CPNE9: variants seen among roughly 807,000 people sequenced by gnomAD.
CPNE9 encodes copine family member 9.
Under a neutral mutation model 83.0 loss-of-function variants are expected in CPNE9, and 59 were observed. That is an observed-to-expected ratio of 0.71 (90% CI 0.58 to 0.88). CPNE9 has a LOEUF of 0.88. Ranked by LOEUF, CPNE9 falls within the 40% of genes least tolerant of loss-of-function variation. The pLI is 0.00. For synonymous variants in CPNE9, 256 were observed against 273.4 expected (o/e 0.94, Z 0.63); for missense variants, 619 against 720.8 (o/e 0.86, Z 1.62).
chr3:9,709,439 G>A (rs1439797325), intron 7 of CPNE9, among the ~76,000 whole-genome samples: 5 of 148,000 alleles, frequency 3.4e-5, no homozygotes, highest in African/African-American at 9.9e-5. Flanking sequence ...TGTGATCTTG[G>A]CCCACTGCAA....
At position 9,709,704 on chromosome 3, in the gene CPNE9, G is replaced by A. The variant is rs554457952; in HGVS notation, c.378-2837G>A. The stretch of plus-strand genomic sequence containing the variant: ...TTTTTAACATAAGGCTGGGTGAGGT[G>A]GCTCACACCTGTAATCCGAGCACTT... On this transcript the variant is annotated intron_variant, in intron 7 of 20. Coordinates refer to ENST00000383832, the MANE Select transcript of CPNE9 (RefSeq NM_153635.3). Among the ~76,000 whole-genome samples, 36 of 152,040 alleles carry A rather than the reference G, an allele frequency of 2.4e-4. No individual in the cohort carries two copies. In the South Asian group the frequency reaches 7.5e-3, roughly 32 times the overall value.
intron 7 of CPNE9, among the ~76,000 whole-genome samples, chr3:9,709,767 A>G (rs901083296): frequency 4.5e-4 from 68 of 151,908 alleles, no homozygotes; most frequent in African/African-American, 1.2e-3. Context: ...AGGCAGGTGT[A>G]TCACCTGAGG....
intron 17 of CPNE9, among the ~76,000 whole-genome samples, chr3:9,724,188 C>A (rs202154426): frequency 2.2e-5 from 3 of 136,460 alleles, no homozygotes; most frequent in Non-Finnish European, 4.8e-5. Context: ...CTCTCTAGGT[C>A]TTTTTTTTTT....
intron 4 of CPNE9, 45 bp from the exon 5 acceptor site, chr3:9,705,419 T>TAGCCCC: frequency 3.0e-6 from 2 of 662,636 alleles, no homozygotes; most frequent in Non-Finnish European, 5.4e-6. Flanking sequence ...TTCCACCCTC[T>TAGCCCC]CCCCCACCCA....
chr3:9,717,029 A>C, intron 14 of CPNE9, 29 bp from the exon 15 acceptor site: 1 of 1,611,960 alleles, frequency 6.2e-7, no homozygotes, highest in Non-Finnish European at 8.5e-7. Flanking sequence ...TTAGTTCCTC[A>C]CTTCTCAATT....
chr3:9,721,394 T>G, intron 17 of CPNE9, among the ~76,000 whole-genome samples: 1 of 152,256 alleles, frequency 6.6e-6, no homozygotes, highest in Non-Finnish European at 1.5e-5. Context: ...CTTCTCACAT[T>G]GCATCCCTGT....
At chr3:9,718,868 T>C (rs2125471405) in intron 17 of CPNE9, among the ~76,000 whole-genome samples, 1 of 148,128 alleles carries the variant, frequency 6.8e-6, no homozygotes, top group East Asian at 2.0e-4. Flanking sequence ...GACAGAGTCT[T>C]GCTCTGTTGC....
chr3:9,721,051 G>A (rs920239987), intron 17 of CPNE9, among the ~76,000 whole-genome samples: 7 of 152,158 alleles, frequency 4.6e-5, no homozygotes, highest in Admixed American at 1.3e-4. Context: ...ATAGGTGTTC[G>A]CTATTACTGT....
At chr3:9,715,593 G>T in intron 13 of CPNE9, 67 bp downstream of exon 13, 2 of 1,370,430 alleles carry the variant, frequency 1.5e-6, no homozygotes, top group South Asian at 2.3e-5. Flanking sequence ...GACACAGCAT[G>T]GCAAATATCG....
At chr3:9,726,072 T>C (rs1261506226) in intron 18 of CPNE9, 21 bp downstream of exon 18, 1 of 1,507,764 alleles carries the variant, frequency 6.6e-7, no homozygotes, top group East Asian at 2.4e-5. Flanking sequence ...GGAGGAGGGC[T>C]TGGCAGGGAG....
intron 17 of CPNE9, among the ~76,000 whole-genome samples, chr3:9,722,351 C>T (rs2076742509): frequency 6.6e-6 from 1 of 152,206 alleles, no homozygotes; most frequent in South Asian, 2.1e-4. Flanking sequence ...TCCCACTCTA[C>T]AGCCAAGTGA....
chr3:9,721,183 G>A (rs1421766821), intron 17 of CPNE9, among the ~76,000 whole-genome samples: 1 of 152,190 alleles, frequency 6.6e-6, no homozygotes, highest in Non-Finnish European at 1.5e-5. Context: ...TCCCGCCTTG[G>A]TGCAGGAGAC....
intron 20 of CPNE9, among the ~76,000 whole-genome samples, chr3:9,728,750 C>T (rs1009490802): frequency 6.6e-6 from 1 of 151,690 alleles, no homozygotes; most frequent in Non-Finnish European, 1.5e-5. Context: ...TTATCAGCCC[C>T]TCTCCCCCCA....
intron 19 of CPNE9, 51 bp from the exon 20 acceptor site, chr3:9,727,062 T>C (rs930446855): frequency 1.3e-6 from 2 of 1,590,444 alleles, no homozygotes; most frequent in African/African-American, 2.7e-5. Flanking sequence ...GGGGGCAGCA[T>C]GGGGTGGGGC....
intron 17 of CPNE9, among the ~76,000 whole-genome samples, chr3:9,721,323 G>A (rs1190592494): frequency 3.9e-5 from 6 of 152,210 alleles, no homozygotes; most frequent in Non-Finnish European, 8.8e-5. Context: ...AAAGCAGTCA[G>A]GCTGAAAATG....
intron 7 of CPNE9, among the ~76,000 whole-genome samples, chr3:9,710,703 C>T (rs1452080071): frequency 7.2e-5 from 11 of 152,112 alleles, no homozygotes; most frequent in Admixed American, 7.2e-4. Flanking sequence ...TTAACTAGAG[C>T]TGTGGTTCTG....
chr3:9,724,948 G>A (rs963868007), intron 17 of CPNE9, among the ~76,000 whole-genome samples: 1 of 151,908 alleles, frequency 6.6e-6, no homozygotes, highest in Non-Finnish European at 1.5e-5. Context: ...ATAGAGACAG[G>A]GTTTCACCAT....
chr3:9,714,989 CT>C, intron 11 of CPNE9, 34 bp downstream of exon 11: 1 of 1,596,982 alleles, frequency 6.3e-7, no homozygotes, highest in Non-Finnish European at 8.6e-7. Flanking sequence ...TTCTCCTGTA[CT>C]TGACCCAAGC....
intron 4 of CPNE9, 126 bp from the exon 5 acceptor site, chr3:9,705,338 A>C (rs1171711473): frequency 6.8e-6 from 5 of 738,476 alleles, no homozygotes; most frequent in African/African-American, 1.8e-5. Context: ...AGGAGACCAA[A>C]GCTGAATTCG....
Sources: allele counts gnomAD v4.1 joint callset (sites outside exome capture counted in the v4.1 genomes callset), GRCh38; gene constraint gnomAD v4.1.1; transcripts MANE v1.5; gene names NCBI Gene and HGNC (gene_info 2026-07-23, HGNC 2026-07-21).